AVPR1B: variants seen among roughly 807,000 people sequenced by gnomAD.
AVPR1B encodes arginine vasopressin receptor 1B, also known as vasopressin V1b receptor.
A neutral mutation model predicts 27.5 loss-of-function variants in AVPR1B; 25 were observed. The ratio of observed to expected loss-of-function variants is 0.91; its 90% CI spans 0.66 to 1.27. The LOEUF (loss-of-function observed/expected upper bound fraction) is 1.27, where lower values mean the gene tolerates loss of function less well. Among genes scored for constraint, AVPR1B ranks in the 50% most tolerant of loss-of-function variants. The pLI is 0.00. For missense variants in AVPR1B, 595 were observed against 556.9 expected, an observed-to-expected ratio of 1.07 and a Z score of -0.69; for synonymous variants, 248 against 240.2, an observed-to-expected ratio of 1.03 and a Z score of -0.30.
intron 1 of AVPR1B, among the ~76,000 whole-genome samples, chr1:206,115,321 C>T (rs1319762509): frequency 3.3e-5 from 5 of 152,144 alleles, no homozygotes; most frequent in East Asian, 1.9e-4. Context: ...CTCCCCTCTC[C>T]GAGAGTGTTA....
chr1:206,116,042 G>T lies in AVPR1B; in HGVS notation c.849C>A (p.Thr283=). Residue 283 remains threonine (T), a synonymous_variant, in exon 1 of 2, where the codon ACC becomes ACA. Transcript: ENST00000367126. The stretch of plus-strand genomic sequence containing the variant: ...CGATGTAGGCCAGCACGATGACAAA[G>T]GTCATCTTCACTGTTCGGATCTTGG... ...SRAKIRTVKM[T]FVIVLAYIAC... is the part of the protein sequence containing the mutation. 1 of 1,614,218 alleles carries T rather than the reference G, an allele frequency of 6.2e-7. No individual in the cohort carries two copies.
At position 206,115,971 on chromosome 1, in the gene AVPR1B, T is replaced by C. The variant is rs782090666; in HGVS notation, c.920A>G (p.Asp307Gly). 8.7e-6 allele frequency: 14 copies of C among 1,606,514 alleles called. No homozygotes were observed. In the South Asian group the frequency reaches 1.1e-4, roughly 13 times the overall value. ...CTTGCCTTCATCAGGGGCATTCTTG[T>C]CCCACACGGACCACATCTGGACACT... ...FFSVQMWSVW[D>G]KNAPDEDSTN... The change falls in exon 1 of 2, where the codon GAC becomes GGC. Residue 307 changes from aspartate to glycine, a missense_variant. Coordinates refer to ENST00000367126, the MANE Select transcript of AVPR1B (RefSeq NM_000707.5).
At chr1:206,115,922 C>T (rs781889552) in intron 1 of AVPR1B, 29 bp downstream of exon 1, 1 of 1,559,676 alleles carries the variant, frequency 6.4e-7, no homozygotes, top group Admixed American at 1.8e-5. Context: ...TCTCTCCCAC[C>T]TCACTGCCCC....
rs781960604 is a variant in AVPR1B, at chr1:206,110,422, G to A, written c.1042C>T (p.Arg348Trp). The A allele has an allele frequency of 1.6e-5, 26 of 1,613,636 alleles. No homozygotes were observed. The highest frequency in any genetic ancestry group is 8.9e-5 in the East Asian group (4 of 44,878). Reference sequence around the variant, plus strand: ...CAGCAGGCAAGGTGACGCAGGGGCCGCGGTAACAGGTGGCTGTTGAAGCCC... The same window carrying A: ...CAGCAGGCAAGGTGACGCAGGGGCCACGGTAACAGGTGGCTGTTGAAGCCC... ...YMGFNSHLLPRPLRHLACCGG... is the reference protein window; with the variant it reads ...YMGFNSHLLPWPLRHLACCGG... Residue 348 changes from arginine to tryptophan, a missense_variant, in exon 2 of 2, where the codon CGG (arginine) becomes TGG (tryptophan). Coordinates refer to ENST00000367126, the MANE Select transcript of AVPR1B (RefSeq NM_000707.5).
rs1663308506 is a variant in AVPR1B at position 206,108,112 on chromosome 1, A to G, written c.*2077T>C. Among the ~76,000 whole-genome samples, 1 of 152,168 alleles carries G rather than the reference A, an allele frequency of 6.6e-6. No homozygotes were observed. The highest frequency in any genetic ancestry group is 2.4e-5 in the African/African-American group (1 of 41,444). On this transcript the variant is annotated 3_prime_UTR_variant, in exon 2 of 2. Transcript: ENST00000367126. Reference sequence around the variant, plus strand: ...GCATTAGGGTCAGAAACTGTGGTCTAAAGATGGGGCAAGGGGGTGGGGAGG... The same window carrying G: ...GCATTAGGGTCAGAAACTGTGGTCTGAAGATGGGGCAAGGGGGTGGGGAGG...
In AVPR1B at chr1:206,115,878, T is replaced by G. The variant is rs1663457446; in HGVS notation, c.940+73A>C. ...ACCTGCCTGGCCCTGGGAGGCATTG[T>G]AACCCTGACCTAATCCCCCATCCTC... On this transcript the variant is annotated intron_variant, in intron 1 of 1. Coordinates refer to ENST00000367126, the MANE Select transcript of AVPR1B (RefSeq NM_000707.5). 2.0e-6 allele frequency: 3 copies of G among 1,467,286 alleles called. No individual in the cohort carries two copies. In the African/African-American group the frequency reaches 4.2e-5, roughly 20 times the overall value. 90.9% of individuals were successfully genotyped at this position (1,467,286 alleles called of 1,614,324 possible).
At position 206,108,164 on chromosome 1, in the gene AVPR1B, A is replaced by G. The variant is rs1256276517; in HGVS notation, c.*2025T>C. On this transcript the variant is annotated 3_prime_UTR_variant, in exon 2 of 2. Coordinates refer to ENST00000367126, the MANE Select transcript of AVPR1B (RefSeq NM_000707.5). Reference sequence around the variant, plus strand: ...CGCTTTTGTAAGCAGGGGAAGGAGCAGATTCAACAGCTCTGGCTGGCATGG... The same window carrying G: ...CGCTTTTGTAAGCAGGGGAAGGAGCGGATTCAACAGCTCTGGCTGGCATGG... 6.6e-6 allele frequency among the ~76,000 whole-genome samples: 1 copy of G among 152,224 alleles called. No individual in the cohort carries two copies. Among genetic ancestry groups the G allele is most frequent in the Non-Finnish European group, 1.5e-5 (1 of 68,040 alleles).
At chr1:206,111,173 G>A (rs770434283) in intron 1 of AVPR1B, among the ~76,000 whole-genome samples, 6 of 152,166 alleles carry the variant, frequency 3.9e-5, no homozygotes, top group Non-Finnish European at 8.8e-5. Flanking sequence ...TACAGCCAAG[G>A]GGGCAGCTTT....
rs1352458763 is a variant in AVPR1B, at chr1:206,108,177, C to T, written c.*2012G>A. 6.6e-6 allele frequency among the ~76,000 whole-genome samples: 1 copy of T among 152,170 alleles called. No individual in the cohort carries two copies. The highest frequency in any genetic ancestry group is 1.9e-4 in the East Asian group (1 of 5,188). On this transcript the variant is annotated 3_prime_UTR_variant, in exon 2 of 2. Transcript: ENST00000367126. ...AGGGGAAGGAGCAGATTCAACAGCTCTGGCTGGCATGGGAGGCTTCTAAGC... is the reference window on the plus strand; with the variant it reads ...AGGGGAAGGAGCAGATTCAACAGCTTTGGCTGGCATGGGAGGCTTCTAAGC...
chr1:206,116,076 A>ATGGTGTTGATGCTGCTGAC lies in AVPR1B; in HGVS notation c.796_814dup (p.Ile272SerfsTer47). ...CACTGTTCGGATCTTGGCCCGTGAG[A>ATGGTGTTGATGCTGCTGAC]TGGTGTTGATGCTGCTGACCCGAGA... On this transcript the variant is annotated frameshift_variant, in exon 1 of 2. Transcript: ENST00000367126. LOFTEE classifies it high-confidence loss of function. 1 of 1,614,154 alleles carries ATGGTGTTGATGCTGCTGAC rather than the reference A, an allele frequency of 6.2e-7. No individual in the cohort carries two copies. Among genetic ancestry groups the ATGGTGTTGATGCTGCTGAC allele is most frequent in the Admixed American group, 1.7e-5 (1 of 60,024 alleles).
chr1:206,116,689 G>T lies in AVPR1B; in HGVS notation c.202C>A (p.Arg68Ser), dbSNP rs782158452. The T allele has an allele frequency of 6.2e-7, 1 of 1,608,756 alleles. No individual in the cohort carries two copies. Among genetic ancestry groups the T allele is most frequent in the Non-Finnish European group, 8.5e-7 (1 of 1,177,114 alleles). ...TLGQLGRKRSRMHLFVLHLAL... is the reference protein window; with the variant it reads ...TLGQLGRKRSSMHLFVLHLAL... The stretch of plus-strand genomic sequence containing the variant: ...AAGTGCAGCACGAACAGGTGCATGC[G>T]GGAGCGCTTGCGGCCCAGCTGGCCC... Residue 68 changes from arginine (R) to serine (S), a missense_variant, in exon 1 of 2, where the codon CGC becomes AGC. Arg to Ser is a moderately radical substitution (Grantham distance 110). Transcript: ENST00000367126.
intron 1 of AVPR1B, among the ~76,000 whole-genome samples, chr1:206,111,863 G>A (rs1426639659): frequency 1.3e-5 from 2 of 152,208 alleles, no homozygotes; most frequent in South Asian, 4.1e-4. Context: ...AGTGAAGGTA[G>A]AGTGGGAAGC....
In AVPR1B at chr1:206,116,070, C is replaced by T. The variant is rs34144261; in HGVS notation, c.821G>A (p.Arg274Gln). 5.8e-5 allele frequency: 93 copies of T among 1,614,060 alleles called. No individual in the cohort carries two copies. Among genetic ancestry groups the T allele is most frequent in the East Asian group, 1.6e-4 (7 of 44,902 alleles). ...SRVSSINTIS[R>Q]AKIRTVKMTF... ...CATCTTCACTGTTCGGATCTTGGCCCGTGAGATGGTGTTGATGCTGCTGAC... is the reference window on the plus strand; with the variant it reads ...CATCTTCACTGTTCGGATCTTGGCCTGTGAGATGGTGTTGATGCTGCTGAC... Residue 274 changes from arginine to glutamine, a missense_variant, in exon 1 of 2, where the codon CGG (arginine) becomes CAG (glutamine). Coordinates refer to ENST00000367126, the MANE Select transcript of AVPR1B (RefSeq NM_000707.5).
At chr1:206,113,693 C>G (rs1199676735) in intron 1 of AVPR1B, among the ~76,000 whole-genome samples, 1 of 152,238 alleles carries the variant, frequency 6.6e-6, no homozygotes, top group African/African-American at 2.4e-5. Flanking sequence ...CCCGGTGCCA[C>G]TGGCTATGCC....
chr1:206,109,522 T>C lies in AVPR1B; in HGVS notation c.*667A>G, dbSNP rs1663334469. On this transcript the variant is annotated 3_prime_UTR_variant, in exon 2 of 2. Transcript: ENST00000367126. ...CAACACTTTCCCGTCATCCACGCTG[T>C]CATGGGGGGTGGCACGAGGAGAAGA... is the stretch of plus-strand genomic sequence containing the variant. Among the ~76,000 whole-genome samples, 1 of 151,918 alleles carries C rather than the reference T, an allele frequency of 6.6e-6. No individual in the cohort carries two copies. Among genetic ancestry groups the C allele is most frequent in the African/African-American group, 2.4e-5 (1 of 41,334 alleles).
rs1663332551 is a variant in AVPR1B at position 206,109,416 on chromosome 1, A to C, written c.*773T>G. On this transcript the variant is annotated 3_prime_UTR_variant, in exon 2 of 2. Transcript: ENST00000367126. The stretch of plus-strand genomic sequence containing the variant: ...GAGGCTTATTCTTGCTGTTAATTTT[A>C]TGATGACCATTTTCATCTTCTCCTT... 6.6e-6 allele frequency among the ~76,000 whole-genome samples: 1 copy of C among 152,068 alleles called. No homozygotes were observed. Among genetic ancestry groups the C allele is most frequent in the African/African-American group, 2.4e-5 (1 of 41,394 alleles).
intron 1 of AVPR1B, among the ~76,000 whole-genome samples, chr1:206,112,486 T>C (rs1426881351): frequency 6.6e-6 from 1 of 152,116 alleles, no homozygotes; most frequent in East Asian, 1.9e-4. Context: ...TATTCTTCTT[T>C]TTAATTTTCT....
rs1212277162 is a variant in AVPR1B at position 206,108,975 on chromosome 1, C to A, written c.*1214G>T. ...AATTGAGTCAAAGAGTATATCAATG[C>A]CATTGTCATAAAAATGCAACAACTC... On this transcript the variant is annotated 3_prime_UTR_variant, in exon 2 of 2. Coordinates refer to ENST00000367126, the MANE Select transcript of AVPR1B (RefSeq NM_000707.5). Among the ~76,000 whole-genome samples the A allele has an allele frequency of 1.3e-5, 2 of 152,226 alleles. No individual in the cohort carries two copies. The highest frequency in any genetic ancestry group is 4.8e-5 in the African/African-American group (2 of 41,458).
Position 206,110,321 on chromosome 1 carries a change from G to T in AVPR1B, c.1143C>A (p.Thr381=), listed in dbSNP as rs781812122. 1.9e-5 allele frequency: 31 copies of T among 1,613,232 alleles called. No individual in the cohort carries two copies. In the East Asian group the frequency reaches 6.7e-4, roughly 35 times the overall value. Residue 381 remains threonine (T), a synonymous_variant, in exon 2 of 2, where the codon ACC becomes ACA. Coordinates refer to ENST00000367126, the MANE Select transcript of AVPR1B (RefSeq NM_000707.5). ...TGAGGGTGGCCGGGCAGCTGGAGCG[G>T]GTCAGCAGCGTGGTGTGGCGGCTCG... ...SLSSRHTTLL[T]RSSCPATLSL... is the part of the protein sequence containing the mutation.
Sources: allele counts gnomAD v4.1 joint callset (sites outside exome capture counted in the v4.1 genomes callset), GRCh38; gene constraint gnomAD v4.1.1; transcripts MANE v1.5; gene names NCBI Gene and HGNC (gene_info 2026-07-23, HGNC 2026-07-21).